LHFPL2: variants seen among roughly 807,000 people sequenced by gnomAD.
LHFPL2 encodes the protein LHFPL tetraspan subfamily member 2 protein.
A neutral mutation model predicts 17.5 loss-of-function variants in LHFPL2; 7 were observed. The observed-to-expected ratio is 0.40, with a 90% CI of 0.23 to 0.75. LHFPL2 has a LOEUF of 0.75. LHFPL2 is among the 30% of genes least tolerant of loss of function. The pLI is 0.37. For missense variants in LHFPL2, 241 were observed against 294.8 expected, an observed-to-expected ratio of 0.82 and a Z score of 1.34; for synonymous variants, 134 against 116.2, an observed-to-expected ratio of 1.15 and a Z score of -0.99.
intron 2 of LHFPL2, among the ~76,000 whole-genome samples, chr5:78,587,122 T>C (rs1310591250): frequency 6.6e-6 from 1 of 152,208 alleles, no homozygotes; most frequent in African/African-American, 2.4e-5. Flanking sequence ...GTCCTTGCCA[T>C]ATGAATTGTA....
chr5:78,492,573 G>A (rs950418681), intron 4 of LHFPL2, among the ~76,000 whole-genome samples: 10 of 152,192 alleles, frequency 6.6e-5, no homozygotes, highest in Admixed American at 1.3e-4. Context: ...GCCCTGAGGC[G>A]CTCCCTTTTC....
At chr5:78,644,241 G>GAA in intron 1 of LHFPL2, 5 of 684,152 alleles carry the variant, frequency 7.3e-6, no homozygotes, top group South Asian at 3.3e-5. Flanking sequence ...TTATAGATAA[G>GAA]AAAAAAAAAC....
chr5:78,603,642 G>A (rs1253605655), intron 2 of LHFPL2, among the ~76,000 whole-genome samples: 1 of 152,188 alleles, frequency 6.6e-6, no homozygotes, highest in Admixed American at 6.5e-5. Flanking sequence ...CACTTTGAGA[G>A]GCTGAGATGA....
At chr5:78,513,723 G>A (rs975789359) in intron 3 of LHFPL2, among the ~76,000 whole-genome samples, 7 of 152,106 alleles carry the variant, frequency 4.6e-5, no homozygotes, top group Non-Finnish European at 7.4e-5. Context: ...GTTTTATAAG[G>A]GGAACCTCTT....
intron 2 of LHFPL2, among the ~76,000 whole-genome samples, chr5:78,586,816 T>C (rs1743425967): frequency 1.3e-5 from 2 of 152,230 alleles, no homozygotes; most frequent in Non-Finnish European, 2.9e-5. Flanking sequence ...TTTCTAGCAA[T>C]TATTATTTGA....
rs1000009820 is a variant in LHFPL2, at chr5:78,616,220, G to A, written c.-245+16044C>T. On this transcript the variant is annotated intron_variant, in intron 2 of 4. Transcript: ENST00000380345. Reference sequence around the variant, plus strand: ...TCGGCTCACTGCAAGCTCCGCCTTCGGGTTCACGCCATTCTTCTGCCTCAA... The same window carrying A: ...TCGGCTCACTGCAAGCTCCGCCTTCAGGTTCACGCCATTCTTCTGCCTCAA... Among the ~76,000 whole-genome samples, 13 of 151,994 alleles carry A rather than the reference G, an allele frequency of 8.6e-5. No homozygotes were observed. The South Asian group carries it at 1.0e-3, about 12-fold the overall frequency.
chr5:78,580,327 C>G (rs1373798383), intron 2 of LHFPL2, among the ~76,000 whole-genome samples: 2 of 152,072 alleles, frequency 1.3e-5, no homozygotes, highest in Non-Finnish European at 2.9e-5. Context: ...TTTCTTTTGC[C>G]GTGCAGAAGC....
rs777670564 is a variant in LHFPL2 at position 78,546,119 on chromosome 5, C to T, written c.-186+18694G>A. Among the ~76,000 whole-genome samples the T allele has an allele frequency of 1.7e-4, 26 of 152,188 alleles. 1 individual carries two copies. The highest frequency in any genetic ancestry group is 1.2e-3 in the Admixed American group (19 of 15,284). ...GTGAGCCATTAAACCCAAGCACAAA[C>T]GCACACTTTCAGGGCTGTACATGTC... On this transcript the variant is annotated intron_variant, in intron 3 of 4. Coordinates refer to ENST00000380345, the MANE Select transcript of LHFPL2 (RefSeq NM_005779.3).
intron 2 of LHFPL2, among the ~76,000 whole-genome samples, chr5:78,580,973 C>A: frequency 6.6e-6 from 1 of 152,186 alleles, no homozygotes; most frequent in Non-Finnish European, 1.5e-5. Flanking sequence ...TTCTTCCTAC[C>A]CGTGAGCATA....
At chr5:78,560,357 A>ATATC (rs1756693303) in intron 3 of LHFPL2, among the ~76,000 whole-genome samples, 1 of 152,258 alleles carries the variant, frequency 6.6e-6, no homozygotes, top group Admixed American at 6.5e-5. Flanking sequence ...CCTTGGCAAT[A>ATATC]TATCTCCATA....
At chr5:78,595,525 T>C (rs1027984712) in intron 2 of LHFPL2, among the ~76,000 whole-genome samples, 6 of 152,130 alleles carry the variant, frequency 3.9e-5, no homozygotes, top group African/African-American at 1.4e-4. Context: ...CTTCCTTTCC[T>C]TTTTTTAGAC....
rs1366505927 is a variant in LHFPL2 at position 78,488,531 on chromosome 5, G to A, written c.*366C>T. On this transcript the variant is annotated 3_prime_UTR_variant, in exon 5 of 5. Transcript: ENST00000380345. Reference sequence around the variant, plus strand: ...GAGATGCTCACAAGCAAGCAGTGTTGGAGCAGAAACAGCCTGCAGATCTGG... The same window carrying A: ...GAGATGCTCACAAGCAAGCAGTGTTAGAGCAGAAACAGCCTGCAGATCTGG... 1.5e-5 allele frequency: 4 copies of A among 265,922 alleles called. No homozygotes were observed. Among genetic ancestry groups the A allele is most frequent in the South Asian group, 9.7e-5 (2 of 20,546 alleles). The allele number at this position is 265,922 out of a possible 1,614,324, so 16.5% of individuals were successfully genotyped here.
chr5:78,494,265 G>T, intron 4 of LHFPL2: 1 of 660,006 alleles, frequency 1.5e-6, no homozygotes, highest in Non-Finnish European at 1.9e-6. Context: ...CCAGCTGGGA[G>T]GAAGAAGAAA....
At chr5:78,579,222 A>G (rs187357435) in intron 2 of LHFPL2, among the ~76,000 whole-genome samples, 207 of 152,230 alleles carry the variant, frequency 1.4e-3, no homozygotes, top group African/African-American at 4.6e-3. Context: ...CCATTTCTCT[A>G]TACTGGGAGT....
intron 3 of LHFPL2, among the ~76,000 whole-genome samples, chr5:78,555,380 G>C (rs1756545166): frequency 6.6e-6 from 1 of 152,230 alleles, no homozygotes; most frequent in Non-Finnish European, 1.5e-5. Flanking sequence ...ATTTGTTTTA[G>C]AGAAATCTAG....
chr5:78,601,995 T>C (rs1360263579), intron 2 of LHFPL2, among the ~76,000 whole-genome samples: 2 of 152,104 alleles, frequency 1.3e-5, no homozygotes, highest in African/African-American at 4.8e-5. Context: ...AAAACTGTAT[T>C]AATGTGGAAA....
chr5:78,595,212 C>A (rs560827875), intron 2 of LHFPL2, among the ~76,000 whole-genome samples: 1 of 152,314 alleles, frequency 6.6e-6, no homozygotes, highest in Non-Finnish European at 1.5e-5. Flanking sequence ...TGGGGATTCT[C>A]CTTCCTGGAG....
At chr5:78,631,761 C>T (rs1414165283) in intron 2 of LHFPL2, among the ~76,000 whole-genome samples, 1 of 152,034 alleles carries the variant, frequency 6.6e-6, no homozygotes, top group Non-Finnish European at 1.5e-5. Flanking sequence ...TATGGCGAAA[C>T]CTTGTCTCTA....
intron 2 of LHFPL2, among the ~76,000 whole-genome samples, chr5:78,576,078 G>A (rs899295956): frequency 1.3e-5 from 2 of 152,006 alleles, no homozygotes; most frequent in African/African-American, 2.4e-5. Context: ...GGTGGATCAC[G>A]AGGTCAGGAT....
Sources: gnomAD v4.1 joint callset for allele counts (sites outside exome capture counted in the v4.1 genomes callset) on GRCh38, gnomAD v4.1.1 for gene constraint, MANE v1.5 for transcripts, NCBI Gene and HGNC (gene_info 2026-07-23, HGNC 2026-07-21) for gene names.